ATP10B: variants seen among roughly 807,000 people sequenced by gnomAD.
The protein encoded by ATP10B is ATPase phospholipid transporting 10B (putative), also known as phospholipid-transporting ATPase VB.
A neutral mutation model predicts 141.2 loss-of-function variants in ATP10B; 122 were observed. The observed-to-expected ratio is 0.86, with a 90% CI of 0.75 to 1.00. ATP10B has a LOEUF of 1.00. Among genes scored for constraint, ATP10B ranks in the 50% least tolerant of loss-of-function variants. The pLI is 0.00. For synonymous variants in ATP10B, 685 were observed against 692.0 expected (o/e 0.99, Z 0.16); for missense variants, 1,876 against 1,825.3 (o/e 1.03, Z -0.51).
At chr5:160,654,850 A>G (rs1761372898) in intron 7 of ATP10B, among the ~76,000 whole-genome samples, 1 of 152,194 alleles carries the variant, frequency 6.6e-6, no homozygotes, top group African/African-American at 2.4e-5. Context: ...TCTATCAGGT[A>G]GGTACCATTA....
At position 160,824,889 on chromosome 5, in the gene ATP10B, A is replaced by G. The variant is rs1207975937; in HGVS notation, c.-576+27052T>C. Among the ~76,000 whole-genome samples the G allele has an allele frequency of 2.0e-5, 3 of 152,110 alleles. No homozygotes were observed. The East Asian group carries it at 5.8e-4, about 29-fold the overall frequency. ...TTCTAGTCCCAATCCGCCAATTGCT[A>G]GCTTTGGGCAAGCCACCTTCTCTCC... On this transcript the variant is annotated intron_variant, in intron 1 of 25. Transcript: ENST00000327245.
chr5:160,915,922 A>G, the ATP10B span, among the ~76,000 whole-genome samples: 14 of 152,202 alleles, frequency 9.2e-5, no homozygotes, highest in Non-Finnish European at 2.1e-4. Flanking sequence ...TTATACCAGC[A>G]TACTGTAAAA....
rs60583198 is a variant in ATP10B at position 160,585,913 on chromosome 5, T to C, written c.3750+3679A>G. ...GTACTTAAGCCTGGCTATGCCTTTT[T>C]TTGTCTTATCACTTTGTTCTGTCAT... is the stretch of plus-strand genomic sequence containing the variant. On this transcript the variant is annotated intron_variant, in intron 24 of 25. Coordinates refer to ENST00000327245, the MANE Select transcript of ATP10B (RefSeq NM_025153.3). Among the ~76,000 whole-genome samples the C allele has an allele frequency of 7.3e-3, 1,106 of 152,330 alleles. 11 individuals carry two copies. Among genetic ancestry groups the C allele is most frequent in the African/African-American group, 0.024 (1,002 of 41,580 alleles).
chr5:160,656,384 AAAG>A lies in ATP10B; in HGVS notation c.676-7131_676-7129del, dbSNP rs755263090. 7.2e-5 allele frequency among the ~76,000 whole-genome samples: 11 copies of A among 152,312 alleles called. No homozygotes were observed. In the South Asian group the frequency reaches 1.2e-3, roughly 17 times the overall value. On this transcript the variant is annotated intron_variant, in intron 7 of 25. Coordinates refer to ENST00000327245, the MANE Select transcript of ATP10B (RefSeq NM_025153.3). ...GTGGAATGACTCAAGGGAGGAAAAG[AAAG>A]AAGGAGACTGTTAAGTAATTCCTGC...
At chr5:160,795,968 C>T (rs796704991) in intron 1 of ATP10B, among the ~76,000 whole-genome samples, 35 of 152,242 alleles carry the variant, frequency 2.3e-4, no homozygotes, top group African/African-American at 7.9e-4. Flanking sequence ...TAAACACAGT[C>T]CTCACTTGTA....
At chr5:160,683,329 T>C (rs1763548947) in intron 6 of ATP10B, among the ~76,000 whole-genome samples, 1 of 152,168 alleles carries the variant, frequency 6.6e-6, no homozygotes, top group African/African-American at 2.4e-5. Flanking sequence ...GACAAGAAGC[T>C]CATTTGCTGC....
chr5:160,687,596 T>G (rs1046232983), intron 5 of ATP10B, among the ~76,000 whole-genome samples: 3 of 152,070 alleles, frequency 2.0e-5, no homozygotes, highest in African/African-American at 7.2e-5. Context: ...AAACCCCATA[T>G]CTACATAAAA....
intron 2 of ATP10B, 141 bp from the exon 3 acceptor site, chr5:160,717,175 G>T: frequency 1.9e-6 from 1 of 536,204 alleles, no homozygotes; most frequent in Non-Finnish European, 2.4e-6. Context: ...TATGATAGTA[G>T]AAAAACATGT....
At chr5:160,693,931 A>G (rs1764224629) in intron 3 of ATP10B, among the ~76,000 whole-genome samples, 1 of 152,172 alleles carries the variant, frequency 6.6e-6, no homozygotes, top group South Asian at 2.1e-4. Context: ...GGGACTGGGG[A>G]CTCCTGGTGT....
At chr5:160,808,110 T>TA (rs1457654249) in intron 1 of ATP10B, among the ~76,000 whole-genome samples, 1 of 152,214 alleles carries the variant, frequency 6.6e-6, no homozygotes, top group Admixed American at 6.5e-5. Flanking sequence ...ACTGGATCTT[T>TA]ATTCCATTAA....
chr5:160,906,178 A>T, the ATP10B span, among the ~76,000 whole-genome samples: 6 of 152,210 alleles, frequency 3.9e-5, no homozygotes, highest in African/African-American at 1.4e-4. Context: ...ATCAAGTACT[A>T]TGCAAGGCAT....
chr5:160,772,681 G>C (rs183797923), intron 2 of ATP10B, among the ~76,000 whole-genome samples: 67 of 152,254 alleles, frequency 4.4e-4, no homozygotes, highest in Admixed American at 1.2e-3. Flanking sequence ...GATCTGACAG[G>C]GGGTGGAGCT....
Position 160,620,550 on chromosome 5 carries a change from A to G in ATP10B, c.2213T>C (p.Leu738Pro). 1 of 1,614,128 alleles carries G rather than the reference A, an allele frequency of 6.2e-7. No homozygotes were observed. The highest frequency in any genetic ancestry group is 8.5e-7 in the Non-Finnish European group (1 of 1,179,980). The stretch of plus-strand genomic sequence containing the variant: ...CACCTGCTCAGGTGTCCGGGACACT[A>G]GTGTGAAGCTGTAGGCATGGGCAGC... The part of the protein sequence containing the change: ...VHAAHAYSFT[L>P]VSRTPEQVTV... The change falls in exon 15 of 26, where the codon CTA (leucine) becomes CCA (proline). Residue 738 changes from leucine to proline, a missense_variant. Coordinates refer to ENST00000327245, the MANE Select transcript of ATP10B (RefSeq NM_025153.3).
At chr5:160,745,116 G>A (rs1165920819) in intron 2 of ATP10B, among the ~76,000 whole-genome samples, 1 of 152,218 alleles carries the variant, frequency 6.6e-6, no homozygotes. Flanking sequence ...CTGGCCCAAG[G>A]CAAGGATTTG....
At chr5:160,769,333 A>C (rs1769708226) in intron 2 of ATP10B, among the ~76,000 whole-genome samples, 1 of 152,208 alleles carries the variant, frequency 6.6e-6, no homozygotes, top group South Asian at 2.1e-4. Flanking sequence ...GTGTTACATA[A>C]GGAACAGCAC....
At chr5:160,722,013 T>C (rs536279258) in intron 2 of ATP10B, among the ~76,000 whole-genome samples, 10 of 152,312 alleles carry the variant, frequency 6.6e-5, no homozygotes, top group African/African-American at 2.2e-4. Context: ...ATAATAATAA[T>C]ATATACCTCT....
intron 10 of ATP10B, among the ~76,000 whole-genome samples, chr5:160,638,892 C>G (rs1289234315): frequency 6.6e-6 from 1 of 151,798 alleles, no homozygotes; most frequent in Non-Finnish European, 1.5e-5. Context: ...GGAGTCTTGG[C>G]CCCTCTTTAT....
Position 160,563,788 on chromosome 5 carries a change from T to C in ATP10B, c.*1665A>G, listed in dbSNP as rs1043639256. ...AAAATTGAGGTACCTGAGATCCAAG[T>C]TTTGACTCAATCCCCTCACTGGAAA... On this transcript the variant is annotated 3_prime_UTR_variant, in exon 26 of 26. Coordinates refer to ENST00000327245, the MANE Select transcript of ATP10B (RefSeq NM_025153.3). 3 of 152,114 alleles carry C rather than the reference T, an allele frequency of 2.0e-5. No individual in the cohort carries two copies. Among genetic ancestry groups the C allele is most frequent in the Non-Finnish European group, 2.9e-5 (2 of 68,008 alleles). The allele number at this position is 152,114 out of a possible 1,614,324, so 9.4% of individuals were successfully genotyped here.
intron 2 of ATP10B, among the ~76,000 whole-genome samples, chr5:160,785,096 T>A (rs11953648): frequency 1.3e-5 from 2 of 152,088 alleles, no homozygotes; most frequent in South Asian, 2.1e-4. Flanking sequence ...TGGAGACTGA[T>A]GAAAGAGACA....
Sources: allele counts gnomAD v4.1 joint callset (sites outside exome capture counted in the v4.1 genomes callset), GRCh38; gene constraint gnomAD v4.1.1; transcripts MANE v1.5; gene names NCBI Gene and HGNC (gene_info 2026-07-23, HGNC 2026-07-21).